STARD13: variants seen among roughly 807,000 people sequenced by gnomAD.
STARD13 encodes the protein stAR-related lipid transfer protein 13.
Under a neutral mutation model 106.4 loss-of-function variants are expected in STARD13, and 62 were observed. The ratio of observed to expected loss-of-function variants is 0.58; its 90% CI spans 0.48 to 0.72. The LOEUF (loss-of-function observed/expected upper bound fraction) is 0.72, where lower values mean the gene tolerates loss of function less well. Ranked by LOEUF, STARD13 falls within the 30% of genes least tolerant of loss-of-function variation. The pLI, the probability that STARD13 is intolerant of heterozygous loss-of-function variation, is 0.00. For synonymous variants in STARD13, 565 were observed against 553.0 expected, an observed-to-expected ratio of 1.02 and a Z score of -0.31; for missense variants, 1,387 against 1,424.0, an observed-to-expected ratio of 0.97 and a Z score of 0.42.
chr13:33,536,369 T>C, the STARD13 span, among the ~76,000 whole-genome samples: 1 of 152,182 alleles, frequency 6.6e-6, no homozygotes, highest in African/African-American at 2.4e-5. Context: ...GTTTATTCTA[T>C]AAGTTAGGAA....
At chr13:33,462,330 A>T in the STARD13 span, among the ~76,000 whole-genome samples, 1 of 152,142 alleles carries the variant, frequency 6.6e-6, no homozygotes, top group Non-Finnish European at 1.5e-5. Flanking sequence ...TGTACCATTC[A>T]CTTACCCTTT....
intron 1 of STARD13, among the ~76,000 whole-genome samples, chr13:33,212,848 A>G (rs889509176): frequency 6.6e-6 from 1 of 152,202 alleles, no homozygotes; most frequent in Non-Finnish European, 1.5e-5. Flanking sequence ...TTTTTCTGAG[A>G]AAAAAGTTAC....
chr13:33,117,953 T>C (rs1875637888), intron 8 of STARD13, 112 bp downstream of exon 8: 1 of 1,535,168 alleles, frequency 6.5e-7, no homozygotes, highest in African/African-American at 1.4e-5. Context: ...ATTACATACA[T>C]CTTTATGGAT....
the STARD13 span, among the ~76,000 whole-genome samples, chr13:33,578,344 T>C: frequency 6.6e-6 from 1 of 151,608 alleles, no homozygotes; most frequent in East Asian, 1.9e-4. Flanking sequence ...AGAAATAAAG[T>C]CAGATATACC....
At chr13:33,622,365 G>A in the STARD13 span, among the ~76,000 whole-genome samples, 1 of 152,026 alleles carries the variant, frequency 6.6e-6, no homozygotes, top group Non-Finnish European at 1.5e-5. Flanking sequence ...GACCAAATGG[G>A]CCAGGCTCAC....
At chr13:33,647,219 A>C in the STARD13 span, among the ~76,000 whole-genome samples, 1 of 152,246 alleles carries the variant, frequency 6.6e-6, no homozygotes, top group African/African-American at 2.4e-5. Flanking sequence ...CCTTGGAAGA[A>C]AGGTAGAATC....
the STARD13 span, among the ~76,000 whole-genome samples, chr13:33,403,675 A>T: frequency 6.6e-6 from 1 of 152,256 alleles, no homozygotes; most frequent in Non-Finnish European, 1.5e-5. Flanking sequence ...TGACATCATT[A>T]CAAAGCACTA....
the STARD13 span, among the ~76,000 whole-genome samples, chr13:33,666,673 C>A: frequency 1.3e-5 from 2 of 152,082 alleles, no homozygotes; most frequent in East Asian, 3.9e-4. Flanking sequence ...TCACTGCAAC[C>A]TCTGCTTTCC....
At chr13:33,583,227 T>G in the STARD13 span, among the ~76,000 whole-genome samples, 1 of 152,212 alleles carries the variant, frequency 6.6e-6, no homozygotes, top group Admixed American at 6.5e-5. Context: ...AAAAACTCAG[T>G]GATAGTCACA....
the STARD13 span, among the ~76,000 whole-genome samples, chr13:33,495,022 T>G: frequency 6.7e-6 from 1 of 148,262 alleles, no homozygotes; most frequent in East Asian, 2.0e-4. Context: ...TCCCATGACA[T>G]GACTCAGTGA....
At chr13:33,120,263 T>C (rs1876065909) in intron 7 of STARD13, among the ~76,000 whole-genome samples, 1 of 152,254 alleles carries the variant, frequency 6.6e-6, no homozygotes, top group South Asian at 2.1e-4. Flanking sequence ...CACGTTCCTC[T>C]TTTGTCCACC....
intron 1 of STARD13, among the ~76,000 whole-genome samples, chr13:33,219,277 G>T (rs1365800605): frequency 6.6e-6 from 1 of 151,870 alleles, no homozygotes; most frequent in South Asian, 2.1e-4. Flanking sequence ...TTTGAGTTGG[G>T]TTCCTGCTGA....
chr13:33,438,203 T>G, the STARD13 span, among the ~76,000 whole-genome samples: 1 of 152,264 alleles, frequency 6.6e-6, no homozygotes, highest in African/African-American at 2.4e-5. Context: ...ATTATTCTAG[T>G]TATCAGTTCT....
At chr13:33,124,053 T>G (rs1876776571) in intron 7 of STARD13, among the ~76,000 whole-genome samples, 1 of 152,364 alleles carries the variant, frequency 6.6e-6, no homozygotes, top group East Asian at 1.9e-4. Flanking sequence ...TTGGTGTTGC[T>G]CTCCTTGCTT....
At chr13:33,476,014 G>A in the STARD13 span, among the ~76,000 whole-genome samples, 11 of 151,934 alleles carry the variant, frequency 7.2e-5, no homozygotes, top group African/African-American at 2.4e-4. Context: ...ATGTTTAAAT[G>A]GTGTTTTTTC....
At chr13:33,584,052 A>G in the STARD13 span, among the ~76,000 whole-genome samples, 1 of 152,210 alleles carries the variant, frequency 6.6e-6, no homozygotes. Context: ...ACTATTTTCC[A>G]CAGTGATTGT....
the STARD13 span, among the ~76,000 whole-genome samples, chr13:33,593,700 C>T: frequency 3.3e-5 from 5 of 152,178 alleles, no homozygotes; most frequent in South Asian, 8.3e-4. Flanking sequence ...ACAGTTTCTC[C>T]TTGTTCCTGA....
chr13:33,120,410 T>C (rs188774931), intron 7 of STARD13, among the ~76,000 whole-genome samples: 21 of 152,346 alleles, frequency 1.4e-4, no homozygotes, highest in African/African-American at 4.6e-4. Flanking sequence ...ATTTTAGACA[T>C]GTCTGCAGCT....
intron 1 of STARD13, among the ~76,000 whole-genome samples, chr13:33,197,100 ACTGC>A (rs1363207882): frequency 6.6e-6 from 1 of 152,226 alleles, no homozygotes; most frequent in East Asian, 1.9e-4. Flanking sequence ...GGGTGGCCAC[ACTGC>A]CTGCTTCCCA....
Sources: gnomAD v4.1 joint callset for allele counts (sites outside exome capture counted in the v4.1 genomes callset) on GRCh38, gnomAD v4.1.1 for gene constraint, MANE v1.5 for transcripts, NCBI Gene and HGNC (gene_info 2026-07-23, HGNC 2026-07-21) for gene names.